EML1: variants seen among roughly 807,000 people sequenced by gnomAD.
EML1 encodes EMAP like 1, also known as echinoderm microtubule-associated protein-like 1.
EML1 carries 27 observed loss-of-function variants against 110.4 expected under a neutral mutation model. That is an observed-to-expected ratio of 0.24 (90% CI 0.18 to 0.34). The LOEUF (loss-of-function observed/expected upper bound fraction) is 0.34. EML1 is among the 10% of genes least tolerant of loss of function. EML1 has a pLI of 1.00. For synonymous variants in EML1, 344 were observed against 385.8 expected, an observed-to-expected ratio of 0.89 and a Z score of 1.27; for missense variants, 741 against 1,030.9, an observed-to-expected ratio of 0.72 and a Z score of 3.85.
At chr14:99,739,422 G>A (rs779241888) in intron 1 of EML1, among the ~76,000 whole-genome samples, 48 of 152,316 alleles carry the variant, frequency 3.2e-4, no homozygotes, top group Middle Eastern at 6.8e-3. Flanking sequence ...TATTTAGCCC[G>A]TCGGAGCAAA....
chr14:99,845,596 A>G (rs907810320), intron 1 of EML1, among the ~76,000 whole-genome samples: 5 of 152,226 alleles, frequency 3.3e-5, no homozygotes, highest in Non-Finnish European at 7.3e-5. Flanking sequence ...CTTTAAAGAG[A>G]TATGCTTAAG....
intron 1 of EML1, among the ~76,000 whole-genome samples, chr14:99,847,906 C>T (rs1009487570): frequency 6.6e-6 from 1 of 151,414 alleles, no homozygotes; most frequent in Admixed American, 6.6e-5. Context: ...TAAAGTGTAT[C>T]TCTTGTAGAC....
chr14:99,895,428 T>A (rs1333768976), intron 6 of EML1, among the ~76,000 whole-genome samples: 1 of 152,172 alleles, frequency 6.6e-6, no homozygotes, highest in Admixed American at 6.5e-5. Flanking sequence ...CAGGGACAGA[T>A]GGAAAACTAG....
At chr14:99,841,212 T>A (rs955703954) in intron 1 of EML1, among the ~76,000 whole-genome samples, 5 of 152,228 alleles carry the variant, frequency 3.3e-5, no homozygotes, top group African/African-American at 1.2e-4. Context: ...TGGCCAGAGG[T>A]GCTGCAGAGA....
At chr14:99,756,751 T>G (rs1321295488) in intron 1 of EML1, among the ~76,000 whole-genome samples, 1 of 152,098 alleles carries the variant, frequency 6.6e-6, no homozygotes, top group Non-Finnish European at 1.5e-5. Flanking sequence ...GGGGCTCTGG[T>G]GTGATTCCCG....
At chr14:99,918,490 A>C (rs2060071811) in intron 16 of EML1, among the ~76,000 whole-genome samples, 1 of 152,216 alleles carries the variant, frequency 6.6e-6, no homozygotes, top group South Asian at 2.1e-4. Flanking sequence ...GGAATGAAGC[A>C]AGAAAACATT....
intron 1 of EML1, among the ~76,000 whole-genome samples, chr14:99,767,567 G>A (rs756856894): frequency 7.9e-5 from 12 of 152,018 alleles, no homozygotes; most frequent in South Asian, 2.1e-4. Flanking sequence ...CTGAGATCAC[G>A]CCACTGCACT....
At chr14:99,873,830 CA>C (rs1464171354) in intron 3 of EML1, among the ~76,000 whole-genome samples, 1 of 152,236 alleles carries the variant, frequency 6.6e-6, no homozygotes, top group African/African-American at 2.4e-5. Flanking sequence ...ATTTGAGGGA[CA>C]AAAGCCAGGT....
In EML1 at chr14:99,917,895, A is replaced by C. The variant is rs2273704; in HGVS notation, c.1820+46A>C. On this transcript the variant is annotated intron_variant, in intron 16 of 21. Transcript: ENST00000262233. ...CTTGTGCTTGCAAAGCTTATGGAAA[A>C]GAGGCCTGTTGTTTCTATTTCCCCA... 562,186 of 1,595,328 alleles carry C rather than the reference A, an allele frequency of 0.35. 101,656 individuals are homozygous for C. Among genetic ancestry groups the C allele is most frequent in the African/African-American group, 0.5 (37,389 of 74,516 alleles).
chr14:99,890,086 A>G (rs1186900907), intron 4 of EML1, among the ~76,000 whole-genome samples: 1 of 152,178 alleles, frequency 6.6e-6, no homozygotes, highest in Non-Finnish European at 1.5e-5. Context: ...CAAGTCAAAA[A>G]TTGAGGAATA....
intron 1 of EML1, among the ~76,000 whole-genome samples, chr14:99,755,675 T>G (rs1466999349): frequency 6.6e-6 from 1 of 152,084 alleles, no homozygotes; most frequent in African/African-American, 2.4e-5. Flanking sequence ...GGGAACAGGG[T>G]GCCTCTCTGG....
chr14:99,892,041 G>A, intron 5 of EML1: 4 of 592,092 alleles, frequency 6.8e-6, no homozygotes, highest in Non-Finnish European at 8.5e-6. Context: ...TAAGACTGGG[G>A]GGCAGGTCAG....
chr14:99,890,077 A>T (rs2059560420), intron 4 of EML1, among the ~76,000 whole-genome samples: 2 of 152,200 alleles, frequency 1.3e-5, no homozygotes, highest in Non-Finnish European at 2.9e-5. Context: ...ATTGTGTTTC[A>T]AGTCAAAAAT....
chr14:99,847,925 G>A (rs2139821247), intron 1 of EML1, among the ~76,000 whole-genome samples: 1 of 151,908 alleles, frequency 6.6e-6, no homozygotes, highest in African/African-American at 2.4e-5. Flanking sequence ...ACAGCATATA[G>A]TTGGGTTTTG....
At chr14:99,865,194 G>A (rs1256560472) in intron 2 of EML1, among the ~76,000 whole-genome samples, 1 of 152,164 alleles carries the variant, frequency 6.6e-6, no homozygotes, top group African/African-American at 2.4e-5. Context: ...CCCATCTAGG[G>A]TTGATGGGAG....
chr14:99,913,574 TG>T (rs1488763769), intron 13 of EML1, among the ~76,000 whole-genome samples: 6 of 152,244 alleles, frequency 3.9e-5, no homozygotes, highest in Non-Finnish European at 8.8e-5. Flanking sequence ...TTTTAAATTT[TG>T]TTGAGGAAAA....
chr14:99,749,824 G>A (rs12879440), intron 1 of EML1, among the ~76,000 whole-genome samples: 79,644 of 152,164 alleles, frequency 0.52, 23,499 homozygotes, highest in Middle Eastern at 0.64. Flanking sequence ...AATGCAGATG[G>A]CACACGTTCA....
At chr14:99,803,514 A>G (rs2057919190) in intron 1 of EML1, among the ~76,000 whole-genome samples, 1 of 152,236 alleles carries the variant, frequency 6.6e-6, no homozygotes, top group South Asian at 2.1e-4. Flanking sequence ...CCAGAAACAT[A>G]TGAATGCAGG....
At chr14:99,854,227 A>G (rs776233896) in intron 2 of EML1, among the ~76,000 whole-genome samples, 1 of 152,236 alleles carries the variant, frequency 6.6e-6, no homozygotes, top group Non-Finnish European at 1.5e-5. Flanking sequence ...CACTGGCCTC[A>G]GCAGTACCTG....
Sources: gnomAD v4.1 joint callset for allele counts (sites outside exome capture counted in the v4.1 genomes callset) on GRCh38, gnomAD v4.1.1 for gene constraint, MANE v1.5 for transcripts, NCBI Gene and HGNC (gene_info 2026-07-23, HGNC 2026-07-21) for gene names.